The following MFSD6 variants were observed in gnomAD, a reference collection of about 807,000 sequenced individuals.
MFSD6 encodes the protein major facilitator superfamily domain containing 6.
Under a neutral mutation model 56.3 loss-of-function variants are expected in MFSD6, and 26 were observed. The ratio of observed to expected loss-of-function variants is 0.46; its 90% CI spans 0.34 to 0.64. MFSD6 has a LOEUF of 0.64. Ranked by LOEUF, MFSD6 falls within the 30% of genes least tolerant of loss-of-function variation. MFSD6 has a pLI of 0.01. For missense variants in MFSD6, 750 were observed against 986.2 expected (o/e 0.76, Z 3.21); for synonymous variants, 331 against 366.9 (o/e 0.90, Z 1.12).
rs548085398 is a variant in MFSD6, at chr2:190,430,787, C to T, written c.-53-5190C>T. 2.4e-4 allele frequency among the ~76,000 whole-genome samples: 26 copies of T among 108,990 alleles called. No homozygotes were observed. The East Asian group carries it at 5.5e-3, about 23-fold the overall frequency. 71.5% of individuals were successfully genotyped at this position (108,990 alleles called of 152,430 possible). ...TCACTTCCCAGAAGGGGCGGCCGGG[C>T]GGGCAGAGGCGCCCCCCCCACCTCC... On this transcript the variant is annotated intron_variant, in intron 2 of 7. Coordinates refer to ENST00000392328, the MANE Select transcript of MFSD6 (RefSeq NM_017694.4).
intron 1 of MFSD6, among the ~76,000 whole-genome samples, chr2:190,414,943 A>C (rs1690714377): frequency 6.6e-6 from 1 of 152,174 alleles, no homozygotes; most frequent in African/African-American, 2.4e-5. Context: ...CTGCTCTTTC[A>C]TTTAACATGA....
chr2:190,420,401 AG>A (rs1685568968), intron 2 of MFSD6, among the ~76,000 whole-genome samples: 1 of 152,022 alleles, frequency 6.6e-6, no homozygotes, highest in Admixed American at 6.6e-5. Flanking sequence ...CCCATCAAAA[AG>A]GTCCTATCTC....
At position 190,455,252 on chromosome 2, in the gene MFSD6, A is replaced by G. The variant is rs142267925; in HGVS notation, c.1533-14506A>G. 1.3e-3 allele frequency among the ~76,000 whole-genome samples: 189 copies of G among 150,404 alleles called. 5 individuals carry two copies. The East Asian group carries it at 0.032, about 26-fold the overall frequency. Reference sequence around the variant, plus strand: ...GTTACTATTAATTACTATGACTTTCATTATTACTATTAAGTTATTCATAGC... The same window carrying G: ...GTTACTATTAATTACTATGACTTTCGTTATTACTATTAAGTTATTCATAGC... On this transcript the variant is annotated intron_variant, in intron 3 of 7. Transcript: ENST00000392328.
intron 4 of MFSD6, among the ~76,000 whole-genome samples, chr2:190,483,047 G>A (rs1048811621): frequency 7.8e-4 from 118 of 150,446 alleles, no homozygotes; most frequent in African/African-American, 2.6e-3. Flanking sequence ...GCCTGCCACC[G>A]CGCCCGGCTA....
At position 190,461,408 on chromosome 2, in the gene MFSD6, T is replaced by TCC. The variant is rs573753650; in HGVS notation, c.1533-8349_1533-8348dup. Among the ~76,000 whole-genome samples, 159 of 152,358 alleles carry TCC rather than the reference T, an allele frequency of 1.0e-3. 1 individual carries two copies. Among genetic ancestry groups the TCC allele is most frequent in the African/African-American group, 3.7e-3 (155 of 41,586 alleles). Reference sequence around the variant, plus strand: ...CATTATATGAGGTTCTAGTGTTGTATCCTTTTAGAGATATTCTGTTCATAT... The same window carrying TCC: ...CATTATATGAGGTTCTAGTGTTGTATCCCCTTTTAGAGATATTCTGTTCATAT... On this transcript the variant is annotated intron_variant, in intron 3 of 7. Transcript: ENST00000392328. This position sits in a 1 kb window ranked among gnomAD's most constrained non-coding sequence, Gnocchi z 5.5.
chr2:190,410,554 G>T lies in MFSD6; in HGVS notation c.-176+2051G>T, dbSNP rs555032257. Among the ~76,000 whole-genome samples, 1 of 152,156 alleles carries T rather than the reference G, an allele frequency of 6.6e-6. No individual in the cohort carries two copies. Among genetic ancestry groups the T allele is most frequent in the East Asian group, 1.9e-4 (1 of 5,204 alleles). On this transcript the variant is annotated intron_variant, in intron 1 of 7. Coordinates refer to ENST00000392328, the MANE Select transcript of MFSD6 (RefSeq NM_017694.4). The surrounding 1 kb of genome is among the most constrained non-coding windows in gnomAD (Gnocchi z 4.4). ...GTAGGATAATTTATATATTTATTAC[G>T]TATGTATATTAATGTGTGTATGTTT...
rs752961930 is a variant in MFSD6, at chr2:190,498,779, G to A, written c.2172+1060G>A. On this transcript the variant is annotated intron_variant, in intron 7 of 7. Coordinates refer to ENST00000392328, the MANE Select transcript of MFSD6 (RefSeq NM_017694.4). This position sits in a 1 kb window ranked among gnomAD's most constrained non-coding sequence, Gnocchi z 5.9. ...AGTAGCAATATTTTCATTACTTTGT[G>A]TACTCATCCTCATTTTCACAGAAGC... 8.5e-5 allele frequency among the ~76,000 whole-genome samples: 13 copies of A among 152,138 alleles called. No homozygotes were observed. Among genetic ancestry groups the A allele is most frequent in the Non-Finnish European group, 1.5e-4 (10 of 68,030 alleles).
In MFSD6 at chr2:190,426,239, T is replaced by C. The variant is rs1024586809; in HGVS notation, c.-53-9738T>C. Among the ~76,000 whole-genome samples the C allele has an allele frequency of 6.6e-6, 1 of 152,224 alleles. No individual in the cohort carries two copies. The highest frequency in any genetic ancestry group is 1.5e-5 in the Non-Finnish European group (1 of 68,038). On this transcript the variant is annotated intron_variant, in intron 2 of 7. Transcript: ENST00000392328. This position sits in a 1 kb window ranked among gnomAD's most constrained non-coding sequence, Gnocchi z 4.7. Reference sequence around the variant, plus strand: ...ATAGGTCCTTAAGGCTCTTTCACTTTATTTTCTCTCTGTTCAGATTGTGTA... The same window carrying C: ...ATAGGTCCTTAAGGCTCTTTCACTTCATTTTCTCTCTGTTCAGATTGTGTA...
rs1220160167 is a variant in MFSD6 at position 190,454,994 on chromosome 2, ATGTATAATGTAT to A, written c.1533-14763_1533-14752del. On this transcript the variant is annotated intron_variant, in intron 3 of 7. Coordinates refer to ENST00000392328, the MANE Select transcript of MFSD6 (RefSeq NM_017694.4). The surrounding 1 kb of genome is among the most constrained non-coding windows in gnomAD (Gnocchi z 4.6). The stretch of plus-strand genomic sequence containing the variant: ...TATGTATATGTATATGTATATGTAT[ATGTATAATGTAT>A]ATGTATATGTATATGTGTGTTGGTA... Among the ~76,000 whole-genome samples the A allele has an allele frequency of 1.3e-4, 9 of 69,502 alleles. No individual in the cohort carries two copies. The highest frequency in any genetic ancestry group is 2.5e-4 in the African/African-American group (7 of 27,464). The allele number at this position is 69,502 out of a possible 152,430, so 45.6% of individuals were successfully genotyped here.
intron 4 of MFSD6, among the ~76,000 whole-genome samples, chr2:190,481,787 AT>A (rs1325974668): frequency 6.6e-6 from 1 of 152,216 alleles, no homozygotes; most frequent in Non-Finnish European, 1.5e-5. Flanking sequence ...AAATTGTTGC[AT>A]GTCTTATATA....
In MFSD6 at chr2:190,490,019, T is replaced by C. The variant is rs1343130085; in HGVS notation, c.1891+153T>C. Among the ~76,000 whole-genome samples the C allele has an allele frequency of 6.6e-6, 1 of 152,194 alleles. No homozygotes were observed. Among genetic ancestry groups the C allele is most frequent in the South Asian group, 2.1e-4 (1 of 4,826 alleles). ...CGTATCGATGAATTCATGTGGACTA[T>C]TGTTAAAGAGATCCACCTACTATGC... On this transcript the variant is annotated intron_variant, in intron 6 of 7. Transcript: ENST00000392328. The surrounding 1 kb of genome is among the most constrained non-coding windows in gnomAD (Gnocchi z 4.5).
At position 190,497,692 on chromosome 2, in the gene MFSD6, C is replaced by G. The variant is rs751633880; in HGVS notation, c.2145C>G (p.Asn715Lys). Residue 715 changes from asparagine (N) to lysine (K), a missense_variant, in exon 7 of 8, where the codon AAC becomes AAG. Physicochemically the swap from Asn to Lys is moderately conservative, Grantham distance 94. Around this residue, in one of 5 missense-constraint regions of MFSD6, gnomAD observed 172 missense variants for 203.9 expected, o/e 0.84. Coordinates refer to ENST00000392328, the MANE Select transcript of MFSD6 (RefSeq NM_017694.4). This position sits in a 1 kb window ranked among gnomAD's most constrained non-coding sequence, Gnocchi z 5.2. ...AGATGATGCAACTCACAAGAGACAA[C>G]CGTGCTTCTGAGATACAGCCTTTAC... ...IKEMMQLTRD[N>K]RASEIQPLQG... is the part of the protein sequence containing the mutation. 1 of 1,614,026 alleles carries G rather than the reference C, an allele frequency of 6.2e-7. No individual in the cohort carries two copies. Among genetic ancestry groups the G allele is most frequent in the Non-Finnish European group, 8.5e-7 (1 of 1,179,866 alleles).
rs536670561 is a variant in MFSD6, at chr2:190,496,609, G to A, written c.1892-830G>A. 6.6e-6 allele frequency among the ~76,000 whole-genome samples: 1 copy of A among 152,162 alleles called. No individual in the cohort carries two copies. The highest frequency in any genetic ancestry group is 2.1e-4 in the South Asian group (1 of 4,822). On this transcript the variant is annotated intron_variant, in intron 6 of 7. Transcript: ENST00000392328. The surrounding 1 kb of genome is among the most constrained non-coding windows in gnomAD (Gnocchi z 4.7). ...CAATCAATGAGTGGATAAAGAAACT[G>A]TAGTGTGTGTATGTATGTATATGTG... is the stretch of plus-strand genomic sequence containing the variant.
Position 190,488,921 on chromosome 2 carries a change from A to C in MFSD6, c.1792+103A>C. On this transcript the variant is annotated intron_variant, in intron 5 of 7. Transcript: ENST00000392328. This position sits in a 1 kb window ranked among gnomAD's most constrained non-coding sequence, Gnocchi z 6.4. ...CCAATTATTACTGAAGATTGCCCAA[A>C]GCTAAATTCCAGTATTCATAATCTC... The C allele has an allele frequency of 1.8e-6, 2 of 1,135,052 alleles. No homozygotes were observed. The highest frequency in any genetic ancestry group is 2.4e-6 in the Non-Finnish European group (2 of 822,998). The allele number at this position is 1,135,052 out of a possible 1,614,324, so 70.3% of individuals were successfully genotyped here. A position where few individuals can be genotyped will look rare whatever the true frequency, so the allele number is the denominator to read the frequency against.
Position 190,469,073 on chromosome 2 carries a change from G to A in MFSD6, c.1533-685G>A, listed in dbSNP as rs1023312865. Among the ~76,000 whole-genome samples, 1 of 152,062 alleles carries A rather than the reference G, an allele frequency of 6.6e-6. No individual in the cohort carries two copies. The highest frequency in any genetic ancestry group is 2.4e-5 in the African/African-American group (1 of 41,392). On this transcript the variant is annotated intron_variant, in intron 3 of 7. Transcript: ENST00000392328. The surrounding 1 kb of genome is among the most constrained non-coding windows in gnomAD (Gnocchi z 5.3). ...TCTTTCTACTTATACTTTTGGCAGC[G>A]GTAATGGTGGGGGTGAGAGAATGCA... is the stretch of plus-strand genomic sequence containing the variant.
rs1046174918 is a variant in MFSD6, at chr2:190,443,978, A to G, written c.1532+6417A>G. Among the ~76,000 whole-genome samples, 9 of 152,152 alleles carry G rather than the reference A, an allele frequency of 5.9e-5. No homozygotes were observed. The highest frequency in any genetic ancestry group is 2.9e-5 in the Non-Finnish European group (2 of 68,004). ...GAGCTGGGAGGATCTGTTGAGCCCA[A>G]AAGGAAGTCAAGGCTGCAGTGAGCT... On this transcript the variant is annotated intron_variant, in intron 3 of 7. Transcript: ENST00000392328. This position sits in a 1 kb window ranked among gnomAD's most constrained non-coding sequence, Gnocchi z 4.2.
In MFSD6 at chr2:190,431,512, G is replaced by A. The variant is rs1306610095; in HGVS notation, c.-53-4465G>A. Among the ~76,000 whole-genome samples the A allele has an allele frequency of 2.6e-5, 4 of 152,210 alleles. No individual in the cohort carries two copies. Among genetic ancestry groups the A allele is most frequent in the Non-Finnish European group, 4.4e-5 (3 of 68,038 alleles). ...GCGATTAGGAGCTGGAGACTAGCCCGGCCAACACAGCGAAACCCCGTCTCC... is the reference window on the plus strand; with the variant it reads ...GCGATTAGGAGCTGGAGACTAGCCCAGCCAACACAGCGAAACCCCGTCTCC... On this transcript the variant is annotated intron_variant, in intron 2 of 7. Transcript: ENST00000392328. This position sits in a 1 kb window ranked among gnomAD's most constrained non-coding sequence, Gnocchi z 4.4.
chr2:190,482,039 G>A (rs1446712122), intron 4 of MFSD6, among the ~76,000 whole-genome samples: 3 of 144,278 alleles, frequency 2.1e-5, no homozygotes, highest in East Asian at 4.2e-4. Flanking sequence ...TCTGGCCAGC[G>A]GAATAAAAGC....
In MFSD6 at chr2:190,437,493, G is replaced by A. The variant is rs369036382; in HGVS notation, c.1464G>A (p.Leu488=). 12 of 1,614,104 alleles carry A rather than the reference G, an allele frequency of 7.4e-6. No individual in the cohort carries two copies. The African/African-American group carries it at 1.2e-4, about 16-fold the overall frequency. Residue 488 remains leucine (L), a synonymous_variant, in exon 3 of 8, where the codon CTG becomes CTA. Coordinates refer to ENST00000392328, the MANE Select transcript of MFSD6 (RefSeq NM_017694.4). The surrounding 1 kb of genome is among the most constrained non-coding windows in gnomAD (Gnocchi z 5.9). The part of the protein sequence containing the change: ...TTTLFGVCSV[L]SHVSELTAYF... ...CCCTCTTTGGGGTCTGTTCAGTCCT[G>A]AGTCATGTGTCTGAGCTGACAGCAT...
Sources: gnomAD v4.1 joint callset for allele counts (sites outside exome capture counted in the v4.1 genomes callset) on GRCh38, gnomAD v4.1.1 for gene constraint, gnomAD v4.1.1 regional missense constraint, Gnocchi (gnomAD v3.1) non-coding constraint, MANE v1.5 for transcripts, NCBI Gene and HGNC (gene_info 2026-07-23, HGNC 2026-07-21) for gene names.